ANLN: variants seen among roughly 807,000 people sequenced by gnomAD.
The protein encoded by ANLN is anillin, actin binding protein.
A neutral mutation model predicts 135.1 loss-of-function variants in ANLN; 59 were observed. The ratio of observed to expected loss-of-function variants is 0.44; its 90% CI spans 0.35 to 0.54. ANLN has a LOEUF of 0.54. Among genes scored for constraint, ANLN ranks in the 20% least tolerant of loss-of-function variants. The pLI is 0.00. For synonymous variants in ANLN, 406 were observed against 456.4 expected (o/e 0.89, Z 1.41); for missense variants, 1,182 against 1,340.0 (o/e 0.88, Z 1.84).
intron 3 of ANLN, 29 bp from the exon 4 acceptor site, chr7:36,406,152 T>C (rs776838798): frequency 1.3e-6 from 2 of 1,562,932 alleles, no homozygotes; most frequent in Non-Finnish European, 1.7e-6. Flanking sequence ...TAAACATGGT[T>C]TTTAACTCTT....
At chr7:36,400,025 G>A (rs534370450) in intron 3 of ANLN, among the ~76,000 whole-genome samples, 1 of 151,962 alleles carries the variant, frequency 6.6e-6, no homozygotes, top group South Asian at 2.1e-4. Context: ...AAAAATATCT[G>A]TATTTTGAAA....
In ANLN at chr7:36,399,240, A is replaced by G. The variant is rs766272090; in HGVS notation, c.334A>G (p.Thr112Ala). ...SPQVQPQAADTISDSVAVPAS... is the reference protein window; with the variant it reads ...SPQVQPQAADAISDSVAVPAS... Reference sequence around the variant, plus strand: ...TCAGGTGCAGCCACAAGCAGCAGATACCATCAGTGATTCTGTTGCTGTCCC... The same window carrying G: ...TCAGGTGCAGCCACAAGCAGCAGATGCCATCAGTGATTCTGTTGCTGTCCC... The change falls in exon 3 of 24, where the codon ACC (threonine) becomes GCC (alanine). Residue 112 changes from threonine (T) to alanine (A), a missense_variant. Physicochemically the swap from Thr to Ala is moderately conservative, Grantham distance 58 (BLOSUM62 0). Transcript: ENST00000265748. 7 of 1,614,136 alleles carry G rather than the reference A, an allele frequency of 4.3e-6. No individual in the cohort carries two copies. In the South Asian group the frequency reaches 6.6e-5, roughly 15 times the overall value.
chr7:36,420,819 C>A, intron 12 of ANLN, 75 bp downstream of exon 12: 1 of 1,503,748 alleles, frequency 6.7e-7, no homozygotes. Flanking sequence ...ACAAAGGGCC[C>A]AGCCTTACTT....
chr7:36,426,110 T>G (rs1284481869), intron 19 of ANLN, 74 bp downstream of exon 19: 3 of 1,056,576 alleles, frequency 2.8e-6, no homozygotes, highest in Non-Finnish European at 4.0e-6. Flanking sequence ...TACATATATA[T>G]AGGCCATCTT....
intron 3 of ANLN, among the ~76,000 whole-genome samples, chr7:36,400,133 C>T (rs1786878614): frequency 6.6e-6 from 1 of 152,114 alleles, no homozygotes; most frequent in Non-Finnish European, 1.5e-5. Flanking sequence ...GTAAAGTCTT[C>T]CTTTTGCTAG....
At chr7:36,414,751 C>T (rs1424447896) in intron 7 of ANLN, among the ~76,000 whole-genome samples, 1 of 152,206 alleles carries the variant, frequency 6.6e-6, no homozygotes, top group Non-Finnish European at 1.5e-5. Flanking sequence ...ATGCTAATTA[C>T]ATTGTTTTTA....
intron 20 of ANLN, among the ~76,000 whole-genome samples, chr7:36,427,345 A>G (rs984620416): frequency 2.0e-5 from 3 of 151,640 alleles, no homozygotes; most frequent in Non-Finnish European, 4.4e-5. Context: ...TATCTTGCCT[A>G]TTTCCATTTC....
At chr7:36,411,478 G>A (rs1210179469) in intron 7 of ANLN, among the ~76,000 whole-genome samples, 5 of 152,032 alleles carry the variant, frequency 3.3e-5, no homozygotes, top group African/African-American at 7.3e-5. Context: ...AAAATATTTC[G>A]AGAGTCTACT....
chr7:36,452,742 T>TACATACAAAAG lies in ANLN; in HGVS notation c.*143_*144insCATACAAAAGA. On this transcript the variant is annotated 3_prime_UTR_variant, in exon 24 of 24. Coordinates refer to ENST00000265748, the MANE Select transcript of ANLN (RefSeq NM_018685.5). ...TATTCACTACGTATTATGCAGTATT[T>TACATACAAAAG]ATATCTTTTGTATGTAAAACTTTAA... 1 of 889,032 alleles carries TACATACAAAAG rather than the reference T, an allele frequency of 1.1e-6. No homozygotes were observed. Among genetic ancestry groups the TACATACAAAAG allele is most frequent in the Non-Finnish European group, 1.7e-6 (1 of 603,436 alleles). 55.1% of individuals were successfully genotyped at this position (889,032 alleles called of 1,614,324 possible).
chr7:36,433,878 G>A (rs1788423875), intron 20 of ANLN, among the ~76,000 whole-genome samples: 1 of 150,776 alleles, frequency 6.6e-6, no homozygotes, highest in African/African-American at 2.4e-5. Flanking sequence ...TTTTTTTTAT[G>A]GTTTCAATTT....
Position 36,406,277 on chromosome 7 carries a change from C to T in ANLN, c.584C>T (p.Pro195Leu). The T allele has an allele frequency of 1.2e-6, 2 of 1,614,178 alleles. No homozygotes were observed. Among genetic ancestry groups the T allele is most frequent in the African/African-American group, 1.3e-5 (1 of 75,060 alleles). Reference protein sequence around the residue: ...RPLLSNASATPVGRRGRLANL... With the variant: ...RPLLSNASATLVGRRGRLANL... ...CTGCTTTCAAATGCCTCGGCAACTC[C>T]AGTTGGCAGAAGGGGCCGTCTGGCC... is the stretch of plus-strand genomic sequence containing the variant. The change falls in exon 4 of 24, where the codon CCA (proline) becomes CTA (leucine). Residue 195 changes from proline to leucine, a missense_variant. Physicochemically the swap from Pro to Leu is moderately conservative, Grantham distance 98. Coordinates refer to ENST00000265748, the MANE Select transcript of ANLN (RefSeq NM_018685.5).
Position 36,452,779 on chromosome 7 carries a change from C to T in ANLN, c.*179C>T. The T allele has an allele frequency of 1.7e-6, 1 of 598,756 alleles. No individual in the cohort carries two copies. The highest frequency in any genetic ancestry group is 2.7e-6 in the Non-Finnish European group (1 of 369,478). 37.1% of individuals were successfully genotyped at this position (598,756 alleles called of 1,614,324 possible). A position where few individuals can be genotyped will look rare whatever the true frequency, so the allele number is the denominator to read the frequency against. On this transcript the variant is annotated 3_prime_UTR_variant, in exon 24 of 24. Transcript: ENST00000265748. ...ATGTAAAACTTTAACTGATTTCTGT[C>T]ATTCATCAATGAGTAGAAGTAAATA... is the stretch of plus-strand genomic sequence containing the variant.
intron 3 of ANLN, among the ~76,000 whole-genome samples, chr7:36,405,785 T>A (rs1787161098): frequency 6.6e-6 from 1 of 152,234 alleles, no homozygotes; most frequent in Non-Finnish European, 1.5e-5. Context: ...GGCTAATGGT[T>A]ACTGTATTGA....
intron 3 of ANLN, among the ~76,000 whole-genome samples, chr7:36,405,778 T>C (rs753231440): frequency 4.6e-5 from 7 of 152,244 alleles, no homozygotes; most frequent in Non-Finnish European, 8.8e-5. Context: ...CACAAGTGGC[T>C]AATGGTTACT....
chr7:36,407,523 C>A (rs1300289968), intron 4 of ANLN, among the ~76,000 whole-genome samples: 1 of 151,898 alleles, frequency 6.6e-6, no homozygotes, highest in African/African-American at 2.4e-5. Context: ...GCAGACTAAC[C>A]CACATATTAT....
rs117180143 is a variant in ANLN, at chr7:36,423,182, C to G, written c.2476+373C>G. On this transcript the variant is annotated intron_variant, in intron 14 of 23. Coordinates refer to ENST00000265748, the MANE Select transcript of ANLN (RefSeq NM_018685.5). ...ATACACAATTTATTTTAAAAAATTTCTTTTTGAGGGGAAGGAGGGCTAGAC... is the reference window on the plus strand; with the variant it reads ...ATACACAATTTATTTTAAAAAATTTGTTTTTGAGGGGAAGGAGGGCTAGAC... 8.8e-4 allele frequency among the ~76,000 whole-genome samples: 134 copies of G among 152,004 alleles called. No homozygotes were observed. In the East Asian group the frequency reaches 0.01, roughly 11 times the overall value.
intron 1 of ANLN, among the ~76,000 whole-genome samples, chr7:36,394,757 C>T (rs933962981): frequency 5.9e-5 from 9 of 152,076 alleles, no homozygotes; most frequent in Admixed American, 1.3e-4. Context: ...TTTAATTTTT[C>T]AGCCTGCACT....
At chr7:36,411,306 A>G (rs1005491391) in intron 7 of ANLN, 140 bp downstream of exon 7, 1 of 628,126 alleles carries the variant, frequency 1.6e-6, no homozygotes, top group Non-Finnish European at 2.6e-6. Context: ...TAAATCCCTT[A>G]AATGTGTGTA....
At chr7:36,440,247 A>G (rs1353697371) in intron 21 of ANLN, among the ~76,000 whole-genome samples, 1 of 152,188 alleles carries the variant, frequency 6.6e-6, no homozygotes, top group African/African-American at 2.4e-5. Context: ...GAAAGGACGG[A>G]TGGAAGGAGG....
Sources: allele counts gnomAD v4.1 joint callset (sites outside exome capture counted in the v4.1 genomes callset), GRCh38; gene constraint gnomAD v4.1.1; transcripts MANE v1.5; gene names NCBI Gene and HGNC (gene_info 2026-07-23, HGNC 2026-07-21).